NFIA: variants seen among roughly 807,000 people sequenced by gnomAD.
The protein encoded by NFIA is nuclear factor 1 A-type.
In NFIA, 8 loss-of-function variants were observed where a neutral mutation model predicts 62.8. The observed-to-expected ratio is 0.13, with a 90% CI of 0.07 to 0.23. The LOEUF is 0.23. Ranked by LOEUF, NFIA falls within the 10% of genes least tolerant of loss-of-function variation. The pLI, the probability that NFIA is intolerant of heterozygous loss-of-function variation, is 1.00. For missense variants in NFIA, 410 were observed against 642.1 expected (o/e 0.64, Z 3.91); for synonymous variants, 235 against 238.1 (o/e 0.99, Z 0.12).
chr1:61,404,288 G>A lies in NFIA; in HGVS notation c.1254+6G>A, dbSNP rs1198193896. On this transcript the variant is annotated splice_donor_region_variant and intron_variant, in intron 8 of 10. Transcript: ENST00000403491. ...GACAGGTGGGGTTCCTCAATGTAAGGAAACCTCTTTTTTTCCATTTCTTTA... is the reference window on the plus strand; with the variant it reads ...GACAGGTGGGGTTCCTCAATGTAAGAAAACCTCTTTTTTTCCATTTCTTTA... 1 of 1,593,308 alleles carries A rather than the reference G, an allele frequency of 6.3e-7. No individual in the cohort carries two copies. The highest frequency in any genetic ancestry group is 1.8e-5 in the Admixed American group (1 of 54,486).
chr1:61,432,625 G>A lies in NFIA; in HGVS notation c.1512+6069G>A, dbSNP rs2364497. ...TATATATATATACACACACACACAC[G>A]TACACACATATATATACACATATAT... On this transcript the variant is annotated intron_variant, in intron 10 of 10. Coordinates refer to ENST00000403491, the MANE Select transcript of NFIA (RefSeq NM_001134673.4). Among the ~76,000 whole-genome samples, 734 of 147,232 alleles carry A rather than the reference G, an allele frequency of 5.0e-3. 6 individuals are homozygous for A. The highest frequency in any genetic ancestry group is 0.017 in the African/African-American group (657 of 39,588).
intron 2 of NFIA, among the ~76,000 whole-genome samples, chr1:61,129,521 C>T (rs914378959): frequency 1.4e-5 from 2 of 143,660 alleles, no homozygotes; most frequent in African/African-American, 5.2e-5. Flanking sequence ...GTGATCTCGG[C>T]TCACTGCAGC....
chr1:61,155,416 G>A (rs1648729239), intron 2 of NFIA, among the ~76,000 whole-genome samples: 1 of 152,108 alleles, frequency 6.6e-6, no homozygotes, highest in Admixed American at 6.5e-5. Flanking sequence ...GCTCACGCCT[G>A]TAATCCCAGC....
intron 3 of NFIA, among the ~76,000 whole-genome samples, chr1:61,289,159 G>T (rs1481491790): frequency 1.3e-5 from 2 of 152,162 alleles, no homozygotes; most frequent in African/African-American, 4.8e-5. Context: ...ATAGGAATGG[G>T]TCTGTGTTGG....
In NFIA at chr1:61,290,216, G is replaced by A. The variant is rs1209608256; in HGVS notation, c.625+12631G>A. On this transcript the variant is annotated intron_variant, in intron 3 of 10. Transcript: ENST00000403491. Reference sequence around the variant, plus strand: ...ACTATAAAATGAGGTTAGTTGCAAGGTATTTATACCAGATGCCATTATGTT... The same window carrying A: ...ACTATAAAATGAGGTTAGTTGCAAGATATTTATACCAGATGCCATTATGTT... 4.6e-5 allele frequency among the ~76,000 whole-genome samples: 7 copies of A among 152,030 alleles called. No homozygotes were observed. The South Asian group carries it at 1.2e-3, about 27-fold the overall frequency.
At chr1:61,235,371 G>A (rs1265006941) in intron 2 of NFIA, among the ~76,000 whole-genome samples, 2 of 151,934 alleles carry the variant, frequency 1.3e-5, no homozygotes, top group Non-Finnish European at 2.9e-5. Flanking sequence ...GCTGAGGCAG[G>A]AGAATGGCGT....
chr1:61,380,948 A>G (rs1272294597), intron 6 of NFIA, among the ~76,000 whole-genome samples: 1 of 152,150 alleles, frequency 6.6e-6, no homozygotes, highest in Non-Finnish European at 1.5e-5. Context: ...AGTGGATTTC[A>G]ATCATGTCAA....
At chr1:61,110,273 T>C (rs562440110) in intron 2 of NFIA, among the ~76,000 whole-genome samples, 1 of 151,356 alleles carries the variant, frequency 6.6e-6, no homozygotes, top group Non-Finnish European at 1.5e-5. Flanking sequence ...TTTTTTTACA[T>C]GAGAGTTTTT....
intron 3 of NFIA, among the ~76,000 whole-genome samples, chr1:61,302,631 GC>G (rs1322850647): frequency 6.6e-6 from 1 of 152,136 alleles, no homozygotes; most frequent in Non-Finnish European, 1.5e-5. Flanking sequence ...AATAAAGCCT[GC>G]AGACCTTGTG....
chr1:61,361,960 G>C (rs954148542), intron 6 of NFIA, among the ~76,000 whole-genome samples: 1 of 152,078 alleles, frequency 6.6e-6, no homozygotes, highest in African/African-American at 2.4e-5. Context: ...AGAGGACAGT[G>C]GATAAACGTA....
At chr1:61,128,706 C>CTT (rs1647018601) in intron 2 of NFIA, among the ~76,000 whole-genome samples, 2 of 152,008 alleles carry the variant, frequency 1.3e-5, no homozygotes, top group African/African-American at 4.8e-5. Flanking sequence ...TGAGCACTGG[C>CTT]TTGCATAAAA....
At chr1:61,257,340 T>TTG (rs1553165968) in intron 2 of NFIA, among the ~76,000 whole-genome samples, 5 of 133,506 alleles carry the variant, frequency 3.7e-5, no homozygotes, top group African/African-American at 1.4e-4. Flanking sequence ...TTTTTTTTTT[T>TTG]TTTTTTTTTT....
At chr1:61,401,600 T>C (rs113827121) in intron 7 of NFIA, among the ~76,000 whole-genome samples, 7 of 150,900 alleles carry the variant, frequency 4.6e-5, no homozygotes, top group African/African-American at 1.7e-4. Flanking sequence ...GATTTCATAA[T>C]CTAACAATTA....
At chr1:61,086,270 A>T (rs528080019) in intron 1 of NFIA, among the ~76,000 whole-genome samples, 19 of 152,216 alleles carry the variant, frequency 1.2e-4, no homozygotes, top group African/African-American at 3.6e-4. Context: ...CCTAAAATTT[A>T]TGTATTTTAG....
intron 8 of NFIA, among the ~76,000 whole-genome samples, chr1:61,405,533 A>G (rs983051415): frequency 3.9e-5 from 6 of 152,192 alleles, no homozygotes; most frequent in African/African-American, 1.2e-4. Flanking sequence ...ATCTCCTTCA[A>G]CCGAATTTTG....
intron 7 of NFIA, among the ~76,000 whole-genome samples, chr1:61,387,566 C>A (rs1444346639): frequency 1.3e-5 from 2 of 149,674 alleles, no homozygotes; most frequent in Non-Finnish European, 3.0e-5. Context: ...TCATCTCACA[C>A]TGCTTAAGCT....
At chr1:61,441,331 G>GTGTGTGTGTGTCTGTCTGTC (rs1360188951) in intron 10 of NFIA, among the ~76,000 whole-genome samples, 36 of 142,448 alleles carry the variant, frequency 2.5e-4, no homozygotes, top group African/African-American at 9.8e-4. Context: ...GTGTGTGTGT[G>GTGTGTGTGTGTCTGTCTGTC]TGTCTGTCTG....
intron 3 of NFIA, among the ~76,000 whole-genome samples, chr1:61,280,438 T>C (rs994405054): frequency 9.1e-6 from 1 of 109,526 alleles, no homozygotes; most frequent in African/African-American, 2.9e-5. Context: ...ACTTCACATA[T>C]ATGTATGTGT....
At chr1:61,191,925 A>T (rs142806825) in intron 2 of NFIA, among the ~76,000 whole-genome samples, 1 of 151,806 alleles carries the variant, frequency 6.6e-6, no homozygotes, top group Non-Finnish European at 1.5e-5. Context: ...CTTAAAATTT[A>T]CTAAAAATAA....
Sources: gnomAD v4.1 joint callset for allele counts (sites outside exome capture counted in the v4.1 genomes callset) on GRCh38, gnomAD v4.1.1 for gene constraint, MANE v1.5 for transcripts, NCBI Gene and HGNC (gene_info 2026-07-23, HGNC 2026-07-21) for gene names.